EML1: variants seen among roughly 807,000 people sequenced by gnomAD.
EML1 encodes echinoderm microtubule-associated protein-like 1.
A neutral mutation model predicts 110.4 loss-of-function variants in EML1; 27 were observed. That is an observed-to-expected ratio of 0.24 (90% CI 0.18 to 0.34). EML1 has a LOEUF of 0.34. Ranked by LOEUF, EML1 falls within the 10% of genes least tolerant of loss-of-function variation. The pLI, the probability that EML1 is intolerant of heterozygous loss-of-function variation, is 1.00. For synonymous variants in EML1, 344 were observed against 385.8 expected (o/e 0.89, Z 1.27); for missense variants, 741 against 1,030.9 (o/e 0.72, Z 3.85).
Position 99,914,283 on chromosome 14 carries a change from G to A in EML1, c.1599G>A (p.Gly533=). 6.2e-7 allele frequency: 1 copy of A among 1,613,534 alleles called. No individual in the cohort carries two copies. The highest frequency in any genetic ancestry group is 8.5e-7 in the Non-Finnish European group (1 of 1,179,632). The change falls in exon 14 of 22, where the codon GGG becomes GGA. Residue 533 remains glycine, a synonymous_variant. Transcript: ENST00000262233. ...TTGTCCTGCAGGGCACTCTGTCAGG[G>A]GACTTCACACCCATTACTCAGGTAC... ...RNFVLQGTLS[G]DFTPITQGHT...
chr14:99,791,878 C>T (rs1489622920), upstream of EML1, among the ~76,000 whole-genome samples: 1 of 152,186 alleles, frequency 6.6e-6, no homozygotes, highest in Non-Finnish European at 1.5e-5. Flanking sequence ...GTCTTATTTC[C>T]CACTTGTCTG....
Position 99,914,518 on chromosome 14 carries a change from C to A in EML1, c.1621-48C>A, listed in dbSNP as rs146765930. 2.6e-6 allele frequency: 4 copies of A among 1,558,260 alleles called. No homozygotes were observed. The South Asian group carries it at 3.6e-5, about 14-fold the overall frequency. ...CGTCATCCCTTACGGCTCCTGAGTGCGAACTGTAGTATCTCAGAGCGCTTC... is the reference window on the plus strand; with the variant it reads ...CGTCATCCCTTACGGCTCCTGAGTGAGAACTGTAGTATCTCAGAGCGCTTC... On this transcript the variant is annotated intron_variant, in intron 14 of 21. Coordinates refer to ENST00000262233, the MANE Select transcript of EML1 (RefSeq NM_004434.3).
At chr14:99,826,238 G>C (rs1412156885) in intron 1 of EML1, among the ~76,000 whole-genome samples, 3 of 150,090 alleles carry the variant, frequency 2.0e-5, no homozygotes, top group Admixed American at 6.7e-5. Context: ...TCAGCCTCTC[G>C]AGTAACTGGG....
intron 1 of EML1, among the ~76,000 whole-genome samples, chr14:99,845,727 G>C (rs368703995): frequency 2.0e-4 from 31 of 152,274 alleles, no homozygotes; most frequent in African/African-American, 7.2e-4. Flanking sequence ...TTATTTCTAT[G>C]TGTGAAACAA....
At chr14:99,838,286 A>G (rs1404560613) in intron 1 of EML1, among the ~76,000 whole-genome samples, 2 of 149,368 alleles carry the variant, frequency 1.3e-5, no homozygotes, top group East Asian at 3.8e-4. Context: ...AAATTTAGAT[A>G]ATAATAGCTT....
At position 99,905,123 on chromosome 14, in the gene EML1, C is replaced by G. The variant is rs547341334; in HGVS notation, c.1009-2515C>G. ...GCTGGCATGCCAGGCTTCTGGGTTC[C>G]CTTTCCCTGAGGCGGCCCTAGTGAT... On this transcript the variant is annotated intron_variant, in intron 9 of 21. Coordinates refer to ENST00000262233, the MANE Select transcript of EML1 (RefSeq NM_004434.3). This position sits in a 1 kb window ranked among gnomAD's most constrained non-coding sequence, Gnocchi z 4.1. Among the ~76,000 whole-genome samples, 1 of 152,304 alleles carries G rather than the reference C, an allele frequency of 6.6e-6. No homozygotes were observed. The highest frequency in any genetic ancestry group is 1.9e-4 in the East Asian group (1 of 5,190).
chr14:99,935,647 G>A (rs1324714188), intron 17 of EML1, among the ~76,000 whole-genome samples: 1 of 152,054 alleles, frequency 6.6e-6, no homozygotes, highest in African/African-American at 2.4e-5. Context: ...GCCAAGCGTG[G>A]TGGCACGCAC....
chr14:99,834,607 T>C lies in EML1; in HGVS notation c.68-16246T>C, dbSNP rs148757584. 2.0e-5 allele frequency among the ~76,000 whole-genome samples: 3 copies of C among 152,034 alleles called. No individual in the cohort carries two copies. In the East Asian group the frequency reaches 5.9e-4, roughly 30 times the overall value. On this transcript the variant is annotated intron_variant, in intron 1 of 21. Transcript: ENST00000262233. The stretch of plus-strand genomic sequence containing the variant: ...AGGTACTGTGCCCGGCCTGCATTTA[T>C]TTTCATGAGGGATATTGGTCTGTAG...
At chr14:99,935,903 C>T in intron 17 of EML1, 126 bp from the exon 18 acceptor site, 1 of 840,530 alleles carries the variant, frequency 1.2e-6, no homozygotes, top group South Asian at 1.8e-5. Flanking sequence ...GCAGATTTTT[C>T]TCTTGGAAAT....
At chr14:99,935,975 C>A in intron 17 of EML1, 54 bp from the exon 18 acceptor site, 3 of 1,538,960 alleles carry the variant, frequency 1.9e-6, no homozygotes, top group Non-Finnish European at 8.9e-7. Context: ...TCCTTTGTAA[C>A]GAACAAAATG....
chr14:99,849,890 C>A (rs2058764888), intron 1 of EML1, among the ~76,000 whole-genome samples: 1 of 151,070 alleles, frequency 6.6e-6, no homozygotes, highest in Admixed American at 6.6e-5. Context: ...GCTATTTCAG[C>A]CATTTATTTG....
At chr14:99,915,686 T>C (rs2060022770) in intron 15 of EML1, among the ~76,000 whole-genome samples, 1 of 152,130 alleles carries the variant, frequency 6.6e-6, no homozygotes, top group East Asian at 1.9e-4. Context: ...GTGAGTGACC[T>C]AGCTAGTGTT....
intron 17 of EML1, among the ~76,000 whole-genome samples, chr14:99,927,160 CT>C (rs933607341): frequency 6.6e-6 from 1 of 152,094 alleles, no homozygotes; most frequent in Non-Finnish European, 1.5e-5. Context: ...TTTCAATTTA[CT>C]TTTTTTTAAC....
intron 10 of EML1, among the ~76,000 whole-genome samples, chr14:99,908,791 G>A (rs144745784): frequency 9.2e-5 from 14 of 152,290 alleles, no homozygotes; most frequent in Admixed American, 5.9e-4. Context: ...GGAGTCAATC[G>A]CAGGAGGAAC....
At chr14:99,756,993 G>T (rs375871287) in intron 1 of EML1, among the ~76,000 whole-genome samples, 1 of 152,314 alleles carries the variant, frequency 6.6e-6, no homozygotes, top group East Asian at 1.9e-4. Context: ...CCCCAGGACC[G>T]GCGGCACAAT....
rs1478877050 is a variant in EML1, at chr14:99,940,697, C to T, written c.*585C>T. On this transcript the variant is annotated 3_prime_UTR_variant, in exon 22 of 22. Transcript: ENST00000262233. Reference sequence around the variant, plus strand: ...GCTGTGAGAGAGGGCTTGTATCCCTCTTGTGCTAAGCAGACTCTACTCCTA... The same window carrying T: ...GCTGTGAGAGAGGGCTTGTATCCCTTTTGTGCTAAGCAGACTCTACTCCTA... 1 of 152,216 alleles carries T rather than the reference C, an allele frequency of 6.6e-6. No homozygotes were observed. The highest frequency in any genetic ancestry group is 1.5e-5 in the Non-Finnish European group (1 of 68,038). The allele number at this position is 152,216 out of a possible 1,614,324, so 9.4% of individuals were successfully genotyped here.
intron 15 of EML1, among the ~76,000 whole-genome samples, chr14:99,917,569 T>TG (rs1222832831): frequency 3.3e-5 from 5 of 151,682 alleles, no homozygotes; most frequent in Non-Finnish European, 2.9e-5. Context: ...CAAAAAAGGG[T>TG]GGGGGTAGGT....
At position 99,781,700 on chromosome 14, in the gene EML1, G is replaced by T. The variant is rs2057541602; in HGVS notation, c.-27+7687G>T. Among the ~76,000 whole-genome samples, 1 of 152,214 alleles carries T rather than the reference G, an allele frequency of 6.6e-6. No homozygotes were observed. Among genetic ancestry groups the T allele is most frequent in the Non-Finnish European group, 1.5e-5 (1 of 68,032 alleles). On this transcript the variant is annotated intron_variant, in intron 1 of 22. Coordinates refer to the EML1 transcript ENST00000327921. The surrounding 1 kb of genome is among the most constrained non-coding windows in gnomAD (Gnocchi z 4.2). ...ACTAAGCCCAGCCTGTTAGTATGGGGTCCCAGGTTCACTGCAATGGGGCCA... is the reference window on the plus strand; with the variant it reads ...ACTAAGCCCAGCCTGTTAGTATGGGTTCCCAGGTTCACTGCAATGGGGCCA...
intron 1 of EML1, among the ~76,000 whole-genome samples, chr14:99,779,886 C>T (rs117594688): frequency 2.2e-4 from 33 of 152,294 alleles, no homozygotes; most frequent in Middle Eastern, 3.4e-3. Flanking sequence ...AGGAAGGAGA[C>T]GGGGGAGGAA....
Sources: allele counts gnomAD v4.1 joint callset (sites outside exome capture counted in the v4.1 genomes callset), GRCh38; gene constraint gnomAD v4.1.1; non-coding constraint Gnocchi (gnomAD v3.1); transcripts MANE v1.5; gene names NCBI Gene and HGNC (gene_info 2026-07-23, HGNC 2026-07-21).